CALN1: variants seen among roughly 807,000 people sequenced by gnomAD.
The protein encoded by CALN1 is calneuron 1, also known as calcium-binding protein 8.
A neutral mutation model predicts 30.6 loss-of-function variants in CALN1; 17 were observed. That is an observed-to-expected ratio of 0.56 (90% CI 0.38 to 0.83). The LOEUF is 0.83. CALN1 is among the 40% of genes least tolerant of loss of function. CALN1 has a pLI of 0.00. For synonymous variants in CALN1, 156 were observed against 131.4 expected, an observed-to-expected ratio of 1.19 and a Z score of -1.28; for missense variants, 291 against 354.9, an observed-to-expected ratio of 0.82 and a Z score of 1.45.
chr7:72,497,049 A>G, the CALN1 span, among the ~76,000 whole-genome samples: 1 of 152,206 alleles, frequency 6.6e-6, no homozygotes, highest in Non-Finnish European at 1.5e-5. Flanking sequence ...ACGTCTGTGC[A>G]TGGAGGAAAG....
At chr7:71,850,328 G>C (rs1443023832) in intron 5 of CALN1, among the ~76,000 whole-genome samples, 1 of 152,118 alleles carries the variant, frequency 6.6e-6, no homozygotes, top group Admixed American at 6.5e-5. Flanking sequence ...CGATTCTCCT[G>C]CCTCATCCTC....
intron 4 of CALN1, among the ~76,000 whole-genome samples, chr7:72,074,151 G>C (rs1804580740): frequency 6.6e-6 from 1 of 152,330 alleles, no homozygotes; most frequent in Middle Eastern, 3.4e-3. Context: ...AGTCTTTCTA[G>C]ATCAGACAGT....
chr7:72,438,890 T>C (rs540861732), intron 1 of CALN1, among the ~76,000 whole-genome samples: 139 of 152,324 alleles, frequency 9.1e-4, no homozygotes, highest in African/African-American at 3.0e-3. Context: ...ATCCAAAGTA[T>C]GTTATGGAAA....
chr7:72,005,313 G>C (rs1799712591), intron 5 of CALN1, among the ~76,000 whole-genome samples: 1 of 152,164 alleles, frequency 6.6e-6, no homozygotes, highest in Non-Finnish European at 1.5e-5. Flanking sequence ...ATACTACTCA[G>C]CAGTAAAAAG....
intron 5 of CALN1, among the ~76,000 whole-genome samples, chr7:71,953,982 G>T (rs757367212): frequency 6.6e-6 from 1 of 152,196 alleles, no homozygotes; most frequent in East Asian, 1.9e-4. Context: ...GAGAACCTGA[G>T]AATCTGGCTT....
chr7:71,896,664 A>C (rs1025220786), intron 5 of CALN1, among the ~76,000 whole-genome samples: 14 of 152,256 alleles, frequency 9.2e-5, no homozygotes, highest in Middle Eastern at 6.8e-3. Context: ...CCAGGCTTTG[A>C]GAAACTCTCA....
At chr7:71,958,470 C>T (rs1252978737) in intron 5 of CALN1, among the ~76,000 whole-genome samples, 1 of 152,284 alleles carries the variant, frequency 6.6e-6, no homozygotes, top group East Asian at 1.9e-4. Flanking sequence ...CTGTCAAAGA[C>T]CTTATTGGTC....
At chr7:72,318,614 C>T (rs537166061) in intron 2 of CALN1, among the ~76,000 whole-genome samples, 14 of 151,434 alleles carry the variant, frequency 9.2e-5, no homozygotes, top group African/African-American at 1.7e-4. Flanking sequence ...GATCATAGCT[C>T]ACTGCAGCCT....
At chr7:72,239,398 AAAAT>A (rs140300719) in intron 3 of CALN1, among the ~76,000 whole-genome samples, 7 of 151,924 alleles carry the variant, frequency 4.6e-5, no homozygotes, top group East Asian at 1.9e-4. Flanking sequence ...CTTGTCCCTA[AAAAT>A]AAATAAATAA....
At chr7:72,487,976 A>AAGGG in the CALN1 span, among the ~76,000 whole-genome samples, 1 of 145,798 alleles carries the variant, frequency 6.9e-6, no homozygotes, top group Non-Finnish European at 1.5e-5. Flanking sequence ...GGAAGGAAGG[A>AAGGG]AGGAAGGAAG....
intron 5 of CALN1, among the ~76,000 whole-genome samples, chr7:71,840,006 AG>A (rs2116487452): frequency 6.6e-6 from 1 of 152,270 alleles, no homozygotes; most frequent in East Asian, 1.9e-4. Flanking sequence ...AGGCAGGGAG[AG>A]GGGGCTCAAA....
chr7:71,847,337 T>C (rs540388796), intron 5 of CALN1, among the ~76,000 whole-genome samples: 2 of 152,104 alleles, frequency 1.3e-5, no homozygotes, highest in African/African-American at 4.8e-5. Flanking sequence ...ATAAGTCTCA[T>C]GAGACCTGAT....
At chr7:72,288,838 T>C (rs1267841488) in intron 2 of CALN1, among the ~76,000 whole-genome samples, 3 of 152,178 alleles carry the variant, frequency 2.0e-5, no homozygotes, top group Non-Finnish European at 4.4e-5. Flanking sequence ...TAACCCCTTT[T>C]CCCCAAAAAT....
intron 5 of CALN1, among the ~76,000 whole-genome samples, chr7:71,963,575 G>A (rs1797371739): frequency 6.6e-6 from 1 of 152,148 alleles, no homozygotes. Context: ...AAAGTGCTGG[G>A]ATTACAGGTA....
intron 3 of CALN1, among the ~76,000 whole-genome samples, chr7:72,231,036 C>A (rs1187423664): frequency 6.6e-6 from 1 of 152,150 alleles, no homozygotes; most frequent in Non-Finnish European, 1.5e-5. Context: ...CTTTGTGTAG[C>A]CTAGCCACAC....
intron 3 of CALN1, among the ~76,000 whole-genome samples, chr7:72,234,324 C>A (rs986696639): frequency 2.6e-5 from 4 of 152,222 alleles, no homozygotes; most frequent in African/African-American, 9.6e-5. Context: ...CTCCAGCCAG[C>A]AAAGTACCTC....
chr7:71,970,705 G>A (rs1208586708), intron 5 of CALN1, among the ~76,000 whole-genome samples: 2 of 151,968 alleles, frequency 1.3e-5, no homozygotes, highest in African/African-American at 4.8e-5. Flanking sequence ...TTAACACTTA[G>A]GCAATAAAGC....
chr7:72,029,560 T>C (rs1249758122), intron 4 of CALN1, among the ~76,000 whole-genome samples: 1 of 152,174 alleles, frequency 6.6e-6, no homozygotes, highest in Non-Finnish European at 1.5e-5. Context: ...AAACCATGAT[T>C]AGAACCTTGG....
chr7:72,450,746 G>T (rs777823520), upstream of CALN1, among the ~76,000 whole-genome samples: 57 of 152,086 alleles, frequency 3.7e-4, no homozygotes, highest in Non-Finnish European at 5.7e-4. Context: ...TGGGCATGGT[G>T]GTGCATGCCT....
Sources: gnomAD v4.1 joint callset for allele counts (sites outside exome capture counted in the v4.1 genomes callset) on GRCh38, gnomAD v4.1.1 for gene constraint, MANE v1.5 for transcripts, NCBI Gene and HGNC (gene_info 2026-07-23, HGNC 2026-07-21) for gene names.